Variants in ATP9B observed in about 807,000 individuals in gnomAD.
ATP9B encodes ATPase phospholipid transporting 9B, also known as probable phospholipid-transporting ATPase IIB.
A neutral mutation model predicts 146.1 loss-of-function variants in ATP9B; 110 were observed. The observed-to-expected ratio is 0.75, with a 90% CI of 0.65 to 0.88. The LOEUF (loss-of-function observed/expected upper bound fraction) is 0.88. Ranked by LOEUF, ATP9B falls within the 40% of genes least tolerant of loss-of-function variation. ATP9B has a pLI of 0.00. For missense variants in ATP9B, 1,499 were observed against 1,496.4 expected, an observed-to-expected ratio of 1.00 and a Z score of -0.03; for synonymous variants, 604 against 569.7, an observed-to-expected ratio of 1.06 and a Z score of -0.86.
At chr18:79,192,454 C>A (rs1337198773) in intron 8 of ATP9B, among the ~76,000 whole-genome samples, 3 of 152,210 alleles carry the variant, frequency 2.0e-5, no homozygotes, top group Non-Finnish European at 4.4e-5. Context: ...AAGCATACAG[C>A]AGAGTCAGCA....
chr18:79,366,066 T>C (rs954790259), intron 26 of ATP9B, among the ~76,000 whole-genome samples: 1 of 152,390 alleles, frequency 6.6e-6, no homozygotes, highest in Non-Finnish European at 1.5e-5. Context: ...ATTGTGCATT[T>C]TGCTGTGCAG....
At chr18:79,298,350 G>A (rs753322579) in intron 13 of ATP9B, among the ~76,000 whole-genome samples, 2 of 146,042 alleles carry the variant, frequency 1.4e-5, no homozygotes, top group Non-Finnish European at 3.0e-5. Context: ...GAAAAGTACG[G>A]TGCCGTTTAT....
intron 8 of ATP9B, among the ~76,000 whole-genome samples, chr18:79,178,280 G>T (rs2095205439): frequency 6.6e-6 from 1 of 152,194 alleles, no homozygotes. Context: ...CGGTTTCTCT[G>T]TGTCCTTGCC....
intron 15 of ATP9B, among the ~76,000 whole-genome samples, chr18:79,309,577 A>T (rs35304852): frequency 1.1e-5 from 1 of 92,036 alleles, no homozygotes; most frequent in East Asian, 2.9e-4. Context: ...TCAGGGGCTG[A>T]GGAGTGATCC....
intron 8 of ATP9B, among the ~76,000 whole-genome samples, chr18:79,181,091 T>C (rs1436938787): frequency 1.3e-5 from 2 of 152,058 alleles, no homozygotes; most frequent in African/African-American, 4.8e-5. Flanking sequence ...ATTAAGGGTG[T>C]GAGCCATCAC....
At chr18:79,139,067 GTTAC>G (rs2094482395) in intron 5 of ATP9B, among the ~76,000 whole-genome samples, 1 of 152,042 alleles carries the variant, frequency 6.6e-6, no homozygotes, top group South Asian at 2.1e-4. Flanking sequence ...AATTTAAAAA[GTTAC>G]TTAATTATCT....
chr18:79,249,695 G>C lies in ATP9B; in HGVS notation c.1108-3686G>C, dbSNP rs569747118. Among the ~76,000 whole-genome samples the C allele has an allele frequency of 5.9e-4, 90 of 152,244 alleles. 1 individual carries two copies. The highest frequency in any genetic ancestry group is 8.8e-5 in the Non-Finnish European group (6 of 68,022). On this transcript the variant is annotated intron_variant, in intron 11 of 29. Coordinates refer to ENST00000426216, the MANE Select transcript of ATP9B (RefSeq NM_198531.5). ...AGTTAACTGGTTTTTATTTTAAATAGTTTATAAGAGTTCAGATTGTATTTT... is the reference window on the plus strand; with the variant it reads ...AGTTAACTGGTTTTTATTTTAAATACTTTATAAGAGTTCAGATTGTATTTT...
chr18:79,276,277 C>T (rs2096307929), intron 12 of ATP9B, among the ~76,000 whole-genome samples: 2 of 152,250 alleles, frequency 1.3e-5, no homozygotes, highest in Admixed American at 1.3e-4. Flanking sequence ...CTGCTCCACT[C>T]CACTGCCTCC....
intron 13 of ATP9B, among the ~76,000 whole-genome samples, chr18:79,296,854 A>C (rs1160503119): frequency 1.3e-5 from 2 of 152,260 alleles, no homozygotes; most frequent in Non-Finnish European, 2.9e-5. Flanking sequence ...ATGCACGCTC[A>C]GCAGCTAAAG....
At chr18:79,125,749 G>A (rs2094274671) in intron 4 of ATP9B, among the ~76,000 whole-genome samples, 1 of 152,112 alleles carries the variant, frequency 6.6e-6, no homozygotes, top group Admixed American at 6.5e-5. Flanking sequence ...TACTTAAAAA[G>A]TGAGATGAAA....
rs1442446031 is a variant in ATP9B, at chr18:79,377,588, AG to A, written c.*208del. 2 of 660,580 alleles carry A rather than the reference AG, an allele frequency of 3.0e-6. No individual in the cohort carries two copies. Among genetic ancestry groups the A allele is most frequent in the Non-Finnish European group, 5.0e-6 (2 of 397,116 alleles). 40.9% of individuals were successfully genotyped at this position (660,580 alleles called of 1,614,324 possible). Reference sequence around the variant, plus strand: ...GACGTCACCCCTGCCAGGCAAGCCCAGGGCACAGATGCCAGGATGGCTTCTC... The same window carrying A: ...GACGTCACCCCTGCCAGGCAAGCCCAGGCACAGATGCCAGGATGGCTTCTC... On this transcript the variant is annotated 3_prime_UTR_variant, in exon 30 of 30. Transcript: ENST00000426216.
At chr18:79,199,528 G>A (rs1053591520) in intron 9 of ATP9B, among the ~76,000 whole-genome samples, 8 of 151,876 alleles carry the variant, frequency 5.3e-5, no homozygotes, top group East Asian at 1.9e-4. Context: ...TTGGGAGGCC[G>A]AGGCTGGTGG....
rs373457771 is a variant in ATP9B at position 79,365,017 on chromosome 18, G to A, written c.3012+5555G>A. 1.3e-4 allele frequency among the ~76,000 whole-genome samples: 19 copies of A among 141,086 alleles called. No homozygotes were observed. The East Asian group carries it at 2.6e-3, about 19-fold the overall frequency. The allele number at this position is 141,086 out of a possible 152,430, so 92.6% of individuals were successfully genotyped here. ...TGCACTCCAGCCTGGGTGACAGAGC[G>A]AGACCTTGTCTCAAAAAAAAAAAGT... is the stretch of plus-strand genomic sequence containing the variant. On this transcript the variant is annotated intron_variant, in intron 26 of 29. Coordinates refer to ENST00000426216, the MANE Select transcript of ATP9B (RefSeq NM_198531.5).
chr18:79,098,698 C>T (rs1396240449), intron 2 of ATP9B, among the ~76,000 whole-genome samples: 2 of 152,132 alleles, frequency 1.3e-5, no homozygotes, highest in Non-Finnish European at 2.9e-5. Context: ...TGATACAATG[C>T]TTTGTATCTA....
At chr18:79,128,675 C>T (rs563989714) in intron 5 of ATP9B, among the ~76,000 whole-genome samples, 1 of 152,170 alleles carries the variant, frequency 6.6e-6, no homozygotes, top group East Asian at 1.9e-4. Context: ...AATGGAGGGG[C>T]TAGGCAGAGA....
At chr18:79,370,620 G>A (rs147430057) in intron 26 of ATP9B, among the ~76,000 whole-genome samples, 34 of 152,258 alleles carry the variant, frequency 2.2e-4, no homozygotes, top group African/African-American at 7.7e-4. Context: ...GGAGGTGTAC[G>A]GATATTTTTC....
At chr18:79,269,313 T>C (rs2096233930) in intron 12 of ATP9B, among the ~76,000 whole-genome samples, 1 of 152,238 alleles carries the variant, frequency 6.6e-6, no homozygotes, top group African/African-American at 2.4e-5. Context: ...ATGCTTCATT[T>C]TGTATCATCC....
At chr18:79,096,722 T>C in intron 2 of ATP9B, 73 bp downstream of exon 2, 2 of 1,159,670 alleles carry the variant, frequency 1.7e-6, no homozygotes, top group Non-Finnish European at 2.4e-6. Context: ...AATATACTTA[T>C]TAGCTATATT....
At chr18:79,241,037 G>A (rs976095396) in intron 11 of ATP9B, among the ~76,000 whole-genome samples, 3 of 152,200 alleles carry the variant, frequency 2.0e-5, no homozygotes, top group Admixed American at 2.0e-4. Context: ...CTTGTTAATT[G>A]TAAAGGGCTA....
Sources: gnomAD v4.1 joint callset for allele counts (sites outside exome capture counted in the v4.1 genomes callset) on GRCh38, gnomAD v4.1.1 for gene constraint, MANE v1.5 for transcripts, NCBI Gene and HGNC (gene_info 2026-07-23, HGNC 2026-07-21) for gene names.